SPOCK1: variants seen among roughly 807,000 people sequenced by gnomAD.
SPOCK1 encodes the protein SPARC (osteonectin), cwcv and kazal like domains proteoglycan 1, also known as testican-1.
A neutral mutation model predicts 55.3 loss-of-function variants in SPOCK1; 23 were observed. That is an observed-to-expected ratio of 0.42 (90% confidence interval 0.30 to 0.59). The LOEUF (loss-of-function observed/expected upper bound fraction) is 0.59. SPOCK1 is among the 20% of genes least tolerant of loss of function. SPOCK1 has a pLI of 0.22. For missense variants in SPOCK1, 499 were observed against 552.5 expected (o/e 0.90, Z 0.97); for synonymous variants, 226 against 221.0 (o/e 1.02, Z -0.20).
At chr5:136,980,671 C>T (rs978963157) in intron 9 of SPOCK1, among the ~76,000 whole-genome samples, 6 of 152,148 alleles carry the variant, frequency 3.9e-5, no homozygotes, top group Non-Finnish European at 8.8e-5. Context: ...GTCCATTAAA[C>T]CTCTTTTTCT....
In SPOCK1 at chr5:137,350,795, T is replaced by TTGTGTG. The variant is rs111548796; in HGVS notation, c.187-83746_187-83741dup. Among the ~76,000 whole-genome samples, 6 of 148,392 alleles carry TTGTGTG rather than the reference T, an allele frequency of 4.0e-5. No homozygotes were observed. In the South Asian group the frequency reaches 6.4e-4, roughly 16 times the overall value. ...AAAAGCAGGAAGGAATCATATAGGG[T>TTGTGTG]TGTGTGTGTGTGTGTGTGTGTGTCC... On this transcript the variant is annotated intron_variant, in intron 2 of 10. Transcript: ENST00000394945.
intron 2 of SPOCK1, among the ~76,000 whole-genome samples, chr5:137,275,853 C>T (rs1009105809): frequency 6.6e-6 from 1 of 152,192 alleles, no homozygotes; most frequent in Non-Finnish European, 1.5e-5. Flanking sequence ...CAGGCAACAA[C>T]GAAGTCATCT....
chr5:137,410,926 G>A (rs1380859443), intron 2 of SPOCK1, among the ~76,000 whole-genome samples: 4 of 152,252 alleles, frequency 2.6e-5, no homozygotes, highest in Admixed American at 2.6e-4. Flanking sequence ...AAGCCTTGCA[G>A]ATGAGCACAT....
At chr5:137,373,705 A>G (rs1451546306) in intron 2 of SPOCK1, among the ~76,000 whole-genome samples, 2 of 152,190 alleles carry the variant, frequency 1.3e-5, no homozygotes, top group Non-Finnish European at 2.9e-5. Context: ...CACTGAGCTC[A>G]AGGTAAAATC....
At chr5:137,052,930 A>T (rs1752232041) in intron 6 of SPOCK1, among the ~76,000 whole-genome samples, 1 of 151,756 alleles carries the variant, frequency 6.6e-6, no homozygotes, top group African/African-American at 2.4e-5. Flanking sequence ...CCTGTCTTCC[A>T]TCACATAACT....
intron 3 of SPOCK1, among the ~76,000 whole-genome samples, chr5:137,150,181 AT>A (rs1202114120): frequency 6.6e-6 from 1 of 152,190 alleles, no homozygotes; most frequent in Non-Finnish European, 1.5e-5. Context: ...AAGAAGAAAC[AT>A]TAAAGCTTTT....
rs1278600684 is a variant in SPOCK1, at chr5:137,448,381, A to T, written c.186+49992T>A. The stretch of plus-strand genomic sequence containing the variant: ...GCAAGTTAGGGTCCATCCTCCTTCT[A>T]CCAAACATCATCTGATTAGAAACCT... On this transcript the variant is annotated intron_variant, in intron 2 of 10. Coordinates refer to ENST00000394945, the MANE Select transcript of SPOCK1 (RefSeq NM_004598.4). Among the ~76,000 whole-genome samples, 9 of 152,184 alleles carry T rather than the reference A, an allele frequency of 5.9e-5. No individual in the cohort carries two copies. The South Asian group carries it at 1.7e-3, about 28-fold the overall frequency.
intron 3 of SPOCK1, among the ~76,000 whole-genome samples, chr5:137,193,988 G>A (rs1424880212): frequency 1.3e-5 from 2 of 152,128 alleles, no homozygotes; most frequent in Non-Finnish European, 2.9e-5. Context: ...AACCTATCAG[G>A]CTACCCTAGC....
At chr5:137,035,366 T>C (rs1721055463) in intron 6 of SPOCK1, among the ~76,000 whole-genome samples, 1 of 152,126 alleles carries the variant, frequency 6.6e-6, no homozygotes, top group Admixed American at 6.5e-5. Flanking sequence ...CAGGAAGCCA[T>C]TTCTGGGCAG....
chr5:137,381,857 C>T (rs1435018079), intron 2 of SPOCK1, among the ~76,000 whole-genome samples: 3 of 152,230 alleles, frequency 2.0e-5, no homozygotes, highest in South Asian at 2.1e-4. Flanking sequence ...CTCCTCTTTA[C>T]TTATGCAAAT....
chr5:137,350,010 G>A (rs1561511831), intron 2 of SPOCK1, among the ~76,000 whole-genome samples: 2 of 152,178 alleles, frequency 1.3e-5, no homozygotes, highest in Non-Finnish European at 2.9e-5. Context: ...CATGTTGAGA[G>A]TGAGCTATCT....
At chr5:137,449,886 C>CAAAAAAAA (rs562723108) in intron 2 of SPOCK1, among the ~76,000 whole-genome samples, 3 of 52,912 alleles carry the variant, frequency 5.7e-5, no homozygotes, top group African/African-American at 1.6e-4. Flanking sequence ...GATGCTGTCT[C>CAAAAAAAA]AAAAAAAAAA....
intron 2 of SPOCK1, among the ~76,000 whole-genome samples, chr5:137,301,339 A>G (rs1179809824): frequency 1.3e-5 from 2 of 152,170 alleles, no homozygotes; most frequent in East Asian, 1.9e-4. Context: ...CAGCTTACCA[A>G]CTGAGAGGCA....
chr5:137,423,334 A>C (rs990156789), intron 2 of SPOCK1, among the ~76,000 whole-genome samples: 1 of 152,196 alleles, frequency 6.6e-6, no homozygotes, highest in Non-Finnish European at 1.5e-5. Flanking sequence ...ACATTTAAGT[A>C]TGCAGAGGAT....
chr5:136,979,354 C>T lies in SPOCK1; in HGVS notation c.1107G>A (p.Arg369=). ...DKYGNELAGS[R]KQGAVSCEEE... is the part of the protein sequence containing the mutation. ...CACCACAGCTCACAGCACCCTGTTT[C>T]CTGGAGCCAGCCAACTCATTCCCAT... Residue 369 remains arginine, a synonymous_variant, in exon 10 of 11, where the codon AGG becomes AGA. Transcript: ENST00000394945. 1.2e-6 allele frequency: 2 copies of T among 1,614,146 alleles called. No homozygotes were observed. Among genetic ancestry groups the T allele is most frequent in the Non-Finnish European group, 1.7e-6 (2 of 1,179,996 alleles).
chr5:137,242,147 C>T (rs1437864639), intron 3 of SPOCK1, among the ~76,000 whole-genome samples: 1 of 152,170 alleles, frequency 6.6e-6, no homozygotes, highest in Non-Finnish European at 1.5e-5. Context: ...GCAGGCAGAC[C>T]TCTTGAGCTC....
At chr5:137,071,029 T>A (rs1048191820) in intron 5 of SPOCK1, among the ~76,000 whole-genome samples, 13 of 151,912 alleles carry the variant, frequency 8.6e-5, no homozygotes, top group Non-Finnish European at 4.4e-5. Flanking sequence ...CTTTTTTTTT[T>A]TTTTTTTTAA....
intron 2 of SPOCK1, among the ~76,000 whole-genome samples, chr5:137,274,173 G>C (rs1029334787): frequency 6.6e-6 from 1 of 152,140 alleles, no homozygotes; most frequent in Non-Finnish European, 1.5e-5. Flanking sequence ...TTGTACTCTG[G>C]CCAAGACATG....
At chr5:137,052,991 T>C (rs1752233026) in intron 6 of SPOCK1, among the ~76,000 whole-genome samples, 1 of 152,188 alleles carries the variant, frequency 6.6e-6, no homozygotes, top group African/African-American at 2.4e-5. Flanking sequence ...CACAGGGTGT[T>C]CTGGTCCAGC....
Sources: gnomAD v4.1 joint callset for allele counts (sites outside exome capture counted in the v4.1 genomes callset) on GRCh38, gnomAD v4.1.1 for gene constraint, MANE v1.5 for transcripts, NCBI Gene and HGNC (gene_info 2026-07-23, HGNC 2026-07-21) for gene names.